Variants in TUBGCP6 observed in about 807,000 individuals in gnomAD.
TUBGCP6 encodes tubulin gamma complex component 6, also known as gamma-tubulin complex component 6.
TUBGCP6 carries 161 observed loss-of-function variants against 175.8 expected under a neutral mutation model. The observed-to-expected ratio is 0.92, with a 90% CI of 0.81 to 1.04. The LOEUF (loss-of-function observed/expected upper bound fraction) is 1.04, where lower values mean the gene tolerates loss of function less well. TUBGCP6 is among the 50% of genes least tolerant of loss of function. The pLI is 0.00. For synonymous variants in TUBGCP6, 1,173 were observed against 1,030.5 expected, an observed-to-expected ratio of 1.14 and a Z score of -2.65; for missense variants, 2,572 against 2,433.0, an observed-to-expected ratio of 1.06 and a Z score of -1.20.
chr22:50,226,585 G>GCCACT (rs2064614129), intron 7 of TUBGCP6, 148 bp downstream of exon 7: 1 of 725,334 alleles, frequency 1.4e-6, no homozygotes, highest in African/African-American at 1.8e-5. Context: ...GCAGGGTGGG[G>GCCACT]GGTTGGGGGC....
rs1178794575 is a variant in TUBGCP6 at position 50,220,275 on chromosome 22, C to T, written c.4084G>A (p.Gly1362Arg). ...CCTAGTTCTTCAGAGACACTGTCTC[C>T]CGGGGTGTTGGGCCACCATGGTTGG... ...PTQPWWPNTP[G>R]DSVSEELGPG... Residue 1362 changes from glycine (G) to arginine (R), a missense_variant, in exon 16 of 25, where the codon GGA becomes AGA. Gly to Arg is a moderately radical substitution (Grantham distance 125). Transcript: ENST00000248846. 6.4e-7 allele frequency: 1 copy of T among 1,569,220 alleles called. No homozygotes were observed. Among genetic ancestry groups the T allele is most frequent in the Non-Finnish European group, 8.7e-7 (1 of 1,153,336 alleles).
chr22:50,218,975 C>T, intron 20 of TUBGCP6, 78 bp from the exon 21 acceptor site: 1 of 1,589,126 alleles, frequency 6.3e-7, no homozygotes. Context: ...TGGGGCTGTG[C>T]CAGAGCAGCA....
chr22:50,219,257 G>GGCAGACTGGCGCAGGGGCAGGGGC lies in TUBGCP6; in HGVS notation c.4484+7_4484+30dup, dbSNP rs772078991. 3.1e-6 allele frequency: 5 copies of GGCAGACTGGCGCAGGGGCAGGGGC among 1,610,342 alleles called. No homozygotes were observed. The Admixed American group carries it at 6.7e-5, about 22-fold the overall frequency. On this transcript the variant is annotated intron_variant, in intron 19 of 24. Coordinates refer to ENST00000248846, the MANE Select transcript of TUBGCP6 (RefSeq NM_020461.4). Reference sequence around the variant, plus strand: ...AGGGCGGGCCAGGACGGGCTGGGTGGGCAGACTGGCGCAGGGGCAGGGGCA... The same window carrying GGCAGACTGGCGCAGGGGCAGGGGC: ...AGGGCGGGCCAGGACGGGCTGGGTGGGCAGACTGGCGCAGGGGCAGGGGCGCAGACTGGCGCAGGGGCAGGGGCA...
rs761146422 is a variant in TUBGCP6, at chr22:50,220,828, G to C, written c.3531C>G (p.Asp1177Glu). 1 of 1,548,010 alleles carries C rather than the reference G, an allele frequency of 6.5e-7. No homozygotes were observed. The highest frequency in any genetic ancestry group is 8.7e-7 in the Non-Finnish European group (1 of 1,146,656). Residue 1177 changes from aspartate to glutamate, a missense_variant, in exon 16 of 25, where the codon GAC (aspartate) becomes GAG (glutamate). By Grantham distance (45) the Asp-to-Glu change is conservative. Coordinates refer to ENST00000248846, the MANE Select transcript of TUBGCP6 (RefSeq NM_020461.4). The stretch of plus-strand genomic sequence containing the variant: ...TCCACCGTGGCCGGGCGGGAGCCAT[G>C]TCTGACACAGACTCCCCCAAGCTGA... ...ASISLGESVS[D>E]MAPARPRWNT...
At chr22:50,237,980 G>C (rs1169906143) in intron 2 of TUBGCP6, among the ~76,000 whole-genome samples, 2 of 152,144 alleles carry the variant, frequency 1.3e-5, no homozygotes, top group African/African-American at 4.8e-5. Context: ...AAATTAGCCA[G>C]GCGTGGTGTC....
chr22:50,225,988 C>A (rs1430922879), intron 9 of TUBGCP6, 45 bp from the exon 10 acceptor site: 5 of 1,612,928 alleles, frequency 3.1e-6, no homozygotes, highest in Non-Finnish European at 4.2e-6. Context: ...TCAGCCCCAG[C>A]CTCATACTCA....
rs2064897508 is a variant in TUBGCP6 at position 50,244,700 on chromosome 22, A to G, written c.-241T>C. On this transcript the variant is annotated 5_prime_UTR_variant, in exon 1 of 25. Transcript: ENST00000248846. ...TGCCCGGCGCCCGGCAGCCCACCAG[A>G]AGCCAGCTCGGCGTTTCTTCTAATT... is the stretch of plus-strand genomic sequence containing the variant. 1 of 558,546 alleles carries G rather than the reference A, an allele frequency of 1.8e-6. No homozygotes were observed. The highest frequency in any genetic ancestry group is 3.2e-5 in the East Asian group (1 of 31,366). 34.6% of individuals were successfully genotyped at this position (558,546 alleles called of 1,614,324 possible).
intron 5 of TUBGCP6, among the ~76,000 whole-genome samples, 188 bp from the exon 6 acceptor site, chr22:50,227,265 T>G (rs1041585853): frequency 1.3e-5 from 2 of 151,396 alleles, no homozygotes; most frequent in South Asian, 4.2e-4. Flanking sequence ...TGTGCAGCCC[T>G]GTGCCCCTGC....
At position 50,240,385 on chromosome 22, in the gene TUBGCP6, G is replaced by A. The variant is rs374442117; in HGVS notation, c.742-18C>T. The A allele has an allele frequency of 1.1e-5, 17 of 1,611,532 alleles. No homozygotes were observed. Among genetic ancestry groups the A allele is most frequent in the Non-Finnish European group, 1.4e-5 (16 of 1,179,042 alleles). ...GGTGGGACCTGGAGACACAGGGAAG[G>A]GCAAACCGCCACTTATTGCTGTGTC... On this transcript the variant is annotated intron_variant, in intron 1 of 24. Transcript: ENST00000248846.
intron 2 of TUBGCP6, among the ~76,000 whole-genome samples, chr22:50,234,837 C>T (rs1320350346): frequency 1.3e-5 from 2 of 149,600 alleles, no homozygotes; most frequent in African/African-American, 5.0e-5. Flanking sequence ...ACGACAGCAT[C>T]ACCCACACCC....
At chr22:50,229,364 C>T in intron 4 of TUBGCP6, 40 bp downstream of exon 4, 1 of 1,598,720 alleles carries the variant, frequency 6.3e-7, no homozygotes, top group East Asian at 2.2e-5. Context: ...GTGCACCGTT[C>T]TCACAAAGGT....
chr22:50,244,612 AGG>A lies in TUBGCP6; in HGVS notation c.-155_-154del. On this transcript the variant is annotated 5_prime_UTR_variant, in exon 1 of 25. Coordinates refer to ENST00000248846, the MANE Select transcript of TUBGCP6 (RefSeq NM_020461.4). ...GAAGCTCAGAACTGGTATTTTTTAA[AGG>A]AGGTCTTGCGGTTGCTCTACTCAGA... 2 of 1,305,502 alleles carry A rather than the reference AGG, an allele frequency of 1.5e-6. No individual in the cohort carries two copies. The highest frequency in any genetic ancestry group is 2.7e-4 in the Middle Eastern group (1 of 3,658). 80.9% of individuals were successfully genotyped at this position (1,305,502 alleles called of 1,614,324 possible).
chr22:50,218,967 G>A, intron 20 of TUBGCP6, 70 bp from the exon 21 acceptor site: 4 of 1,588,234 alleles, frequency 2.5e-6, no homozygotes, highest in Non-Finnish European at 3.4e-6. Flanking sequence ...GCACCCCATG[G>A]GGCTGTGCCA....
In TUBGCP6 at chr22:50,226,739, T is replaced by G. The variant is rs2064616877; in HGVS notation, c.1595A>C (p.Tyr532Ser). The G allele has an allele frequency of 6.3e-7, 1 of 1,581,656 alleles. No homozygotes were observed. Among genetic ancestry groups the G allele is most frequent in the Non-Finnish European group, 8.6e-7 (1 of 1,164,462 alleles). The change falls in exon 7 of 25, where the codon TAC becomes TCC. Residue 532 changes from tyrosine (Y) to serine (S), a missense_variant. Tyr to Ser is a moderately radical substitution (Grantham distance 144). Coordinates refer to ENST00000248846, the MANE Select transcript of TUBGCP6 (RefSeq NM_020461.4). ...TGCCCAGCCCACTGCCCACCGGGTG[T>G]AGGGCTCGCAGCTGGTCTTCAGCAG... Reference protein sequence around the residue: ...LSLLKTSCEPYTRFIHDWVYS... With the variant: ...LSLLKTSCEPSTRFIHDWVYS...
In TUBGCP6 at chr22:50,228,960, C is replaced by A. The variant is rs78427480; in HGVS notation, c.1290+444G>T. On this transcript the variant is annotated intron_variant, in intron 4 of 24. Coordinates refer to ENST00000248846, the MANE Select transcript of TUBGCP6 (RefSeq NM_020461.4). ...CTGTCCCATGGGCCTCTTCCCAGCA[C>A]ATGAGCCAGCTTCAAGACTCACCAA... Among the ~76,000 whole-genome samples the A allele has an allele frequency of 4.9e-3, 747 of 152,330 alleles. 9 individuals are homozygous for A. Among genetic ancestry groups the A allele is most frequent in the African/African-American group, 0.017 (713 of 41,560 alleles).
intron 17 of TUBGCP6, 38 bp from the exon 18 acceptor site, chr22:50,219,829 C>T (rs890506530): frequency 1.2e-6 from 2 of 1,607,352 alleles, no homozygotes; most frequent in African/African-American, 2.7e-5. Context: ...CTCCCCACTG[C>T]ACGCTGTCCC....
rs192540711 is a variant in TUBGCP6, at chr22:50,242,859, A to G, written c.741+860T>C. On this transcript the variant is annotated intron_variant, in intron 1 of 24. Transcript: ENST00000248846. Reference sequence around the variant, plus strand: ...TCTAGAAGGCAGAGGTGGCTTAACGATATACCCCATTAGGTAAAGATGAAA... The same window carrying G: ...TCTAGAAGGCAGAGGTGGCTTAACGGTATACCCCATTAGGTAAAGATGAAA... 2.6e-3 allele frequency among the ~76,000 whole-genome samples: 403 copies of G among 152,320 alleles called. 3 individuals carry two copies. Among genetic ancestry groups the G allele is most frequent in the African/African-American group, 9.3e-3 (385 of 41,564 alleles).
intron 2 of TUBGCP6, among the ~76,000 whole-genome samples, chr22:50,236,238 C>G (rs1036379104): frequency 6.6e-6 from 1 of 152,074 alleles, no homozygotes; most frequent in Non-Finnish European, 1.5e-5. Flanking sequence ...TGGGTTCACA[C>G]CATTCTCCTG....
At chr22:50,227,633 A>G (rs970234150) in intron 5 of TUBGCP6, among the ~76,000 whole-genome samples, 2 of 152,148 alleles carry the variant, frequency 1.3e-5, no homozygotes, top group African/African-American at 4.8e-5. Flanking sequence ...TGTGTACCGG[A>G]CGCCACATCT....
Sources: allele counts gnomAD v4.1 joint callset (sites outside exome capture counted in the v4.1 genomes callset), GRCh38; gene constraint gnomAD v4.1.1; transcripts MANE v1.5; gene names NCBI Gene and HGNC (gene_info 2026-07-23, HGNC 2026-07-21).